PDE4D: variants seen among roughly 807,000 people sequenced by gnomAD.
PDE4D encodes the protein phosphodiesterase 4D, also known as 3',5'-cyclic-AMP phosphodiesterase 4D.
Under a neutral mutation model 87.4 loss-of-function variants are expected in PDE4D, and 24 were observed. The observed-to-expected ratio is 0.27, with a 90% CI of 0.20 to 0.39. The LOEUF (loss-of-function observed/expected upper bound fraction) is 0.39. PDE4D is among the 10% of genes least tolerant of loss of function. PDE4D has a pLI of 1.00. For synonymous variants in PDE4D, 384 were observed against 383.2 expected (o/e 1.00, Z -0.02); for missense variants, 714 against 1,041.0 (o/e 0.69, Z 4.32).
chr5:60,066,605 A>ATCATCT (rs1491089685), intron 2 of PDE4D, among the ~76,000 whole-genome samples: 1 of 149,104 alleles, frequency 6.7e-6, no homozygotes, highest in African/African-American at 2.5e-5. Context: ...CATCATCATC[A>ATCATCT]TCATCATCAT....
chr5:59,836,765 G>A (rs1742177642), intron 1 of PDE4D, among the ~76,000 whole-genome samples: 2 of 152,002 alleles, frequency 1.3e-5, no homozygotes, highest in Non-Finnish European at 2.9e-5. Context: ...GAGATAGAGG[G>A]AGAAAGAACA....
At chr5:60,129,300 T>G (rs1779377373) in intron 2 of PDE4D, among the ~76,000 whole-genome samples, 1 of 152,174 alleles carries the variant, frequency 6.6e-6, no homozygotes, top group Non-Finnish European at 1.5e-5. Flanking sequence ...TCTTTAAGTC[T>G]TTGGAGGAGG....
At chr5:60,332,795 A>T (rs929962456) in intron 1 of PDE4D, among the ~76,000 whole-genome samples, 7 of 144,152 alleles carry the variant, frequency 4.9e-5, no homozygotes, top group Admixed American at 1.3e-4. Flanking sequence ...GAGTCATTTT[A>T]AAAAAAAGAG....
chr5:59,176,335 CTG>C (rs1783881866), intron 5 of PDE4D, among the ~76,000 whole-genome samples: 1 of 151,938 alleles, frequency 6.6e-6, no homozygotes, highest in Admixed American at 6.6e-5. Context: ...GGTGGATCAC[CTG>C]AGGTCAGGAG....
intron 5 of PDE4D, among the ~76,000 whole-genome samples, chr5:59,064,459 G>A (rs6450501): frequency 0.15 from 22,639 of 151,936 alleles, 3,222 homozygotes; most frequent in African/African-American, 0.36. Flanking sequence ...AAAAAAGCAC[G>A]CAGCCCTGAT....
At chr5:60,460,584 T>C (rs1475603606) in intron 1 of PDE4D, 3 of 1,306,886 alleles carry the variant, frequency 2.3e-6, no homozygotes, top group Admixed American at 3.4e-5. Context: ...CTATTTCATT[T>C]TGTACTTCAT....
At chr5:59,041,717 A>G (rs1014161642) in intron 5 of PDE4D, among the ~76,000 whole-genome samples, 3 of 152,194 alleles carry the variant, frequency 2.0e-5, no homozygotes, top group African/African-American at 7.2e-5. Context: ...GTGATTTCCC[A>G]GTAGCTAAGT....
intron 5 of PDE4D, among the ~76,000 whole-genome samples, chr5:59,157,792 C>T (rs1434851097): frequency 6.6e-6 from 1 of 152,142 alleles, no homozygotes; most frequent in Non-Finnish European, 1.5e-5. Context: ...GACATGACTA[C>T]CATATGCCAA....
intron 1 of PDE4D, among the ~76,000 whole-genome samples, chr5:59,574,077 TA>T (rs1430035126): frequency 1.9e-4 from 3 of 15,922 alleles, no homozygotes; most frequent in Admixed American, 1.6e-3. Context: ...TATATTTATA[TA>T]TATATTTATA....
At chr5:60,042,764 G>A (rs576475633) in intron 2 of PDE4D, among the ~76,000 whole-genome samples, 1 of 152,240 alleles carries the variant, frequency 6.6e-6, no homozygotes, top group Admixed American at 6.5e-5. Flanking sequence ...TCAACAAAAA[G>A]GATGTCCAGT....
chr5:59,397,662 G>T (rs201937022), intron 1 of PDE4D, among the ~76,000 whole-genome samples: 867 of 85,098 alleles, frequency 0.01, 4 homozygotes, highest in East Asian at 0.02. Context: ...AACATCACAA[G>T]TAAAAGAACT....
intron 1 of PDE4D, among the ~76,000 whole-genome samples, chr5:59,358,374 C>T (rs899008824): frequency 3.3e-5 from 5 of 152,134 alleles, no homozygotes; most frequent in African/African-American, 1.2e-4. Context: ...TAACGCTTCA[C>T]AAACTGTCTT....
chr5:59,596,964 G>A (rs1826778546), intron 1 of PDE4D, among the ~76,000 whole-genome samples: 1 of 152,092 alleles, frequency 6.6e-6, no homozygotes, highest in African/African-American at 2.4e-5. Flanking sequence ...GAGAAGGCAG[G>A]AAAGAACAGA....
chr5:59,996,871 G>A (rs1483055634), intron 2 of PDE4D, among the ~76,000 whole-genome samples: 1 of 152,082 alleles, frequency 6.6e-6, no homozygotes, highest in African/African-American at 2.4e-5. Context: ...ATAACAGATA[G>A]GTTTCAAACA....
chr5:59,995,570 C>T (rs201363544), intron 2 of PDE4D, among the ~76,000 whole-genome samples: 4 of 152,102 alleles, frequency 2.6e-5, no homozygotes, highest in South Asian at 2.1e-4. Context: ...TCCACCGCCT[C>T]GGCCTCCCAA....
intron 2 of PDE4D, among the ~76,000 whole-genome samples, chr5:60,151,484 A>G (rs1465823598): frequency 6.6e-6 from 1 of 152,114 alleles, no homozygotes; most frequent in East Asian, 1.9e-4. Context: ...GGTTATGTTT[A>G]TTCCTAAATA....
Position 59,215,818 on chromosome 5 carries a change from A to G in PDE4D, c.606T>C (p.Ser202=). Residue 202 remains serine (S), a synonymous_variant, in exon 2 of 15, where the codon TCT becomes TCC. Transcript: ENST00000340635. The part of the protein sequence containing the change: ...LYRSDSDYDL[S]PKSMSRNSSI... The stretch of plus-strand genomic sequence containing the variant: ...AGGAGTTCCGGGACATAGACTTTGG[A>G]GAGAGGTCATAATCGCTGTCGGATC... 1 of 1,613,614 alleles carries G rather than the reference A, an allele frequency of 6.2e-7. No individual in the cohort carries two copies. The highest frequency in any genetic ancestry group is 8.5e-7 in the Non-Finnish European group (1 of 1,179,682).
chr5:59,792,803 G>A (rs1765967762), intron 1 of PDE4D, among the ~76,000 whole-genome samples: 1 of 152,152 alleles, frequency 6.6e-6, no homozygotes, highest in African/African-American at 2.4e-5. Flanking sequence ...CAGAGATATG[G>A]CTCTGGCTTA....
intron 1 of PDE4D, among the ~76,000 whole-genome samples, chr5:60,426,429 G>C (rs1480511487): frequency 6.6e-6 from 1 of 152,032 alleles, no homozygotes; most frequent in African/African-American, 2.4e-5. Flanking sequence ...CTATCACAAT[G>C]ACAGAAAACC....
Sources: gnomAD v4.1 joint callset for allele counts (sites outside exome capture counted in the v4.1 genomes callset) on GRCh38, gnomAD v4.1.1 for gene constraint, MANE v1.5 for transcripts, NCBI Gene and HGNC (gene_info 2026-07-23, HGNC 2026-07-21) for gene names.